The following LRP5 variants were observed in gnomAD, a reference collection of about 807,000 sequenced individuals.
LRP5 encodes low-density lipoprotein receptor-related protein 5.
A neutral mutation model predicts 154.1 loss-of-function variants in LRP5; 62 were observed. That is an observed-to-expected ratio of 0.40 (90% CI 0.33 to 0.50). The LOEUF is 0.50. LRP5 is among the 20% of genes least tolerant of loss of function. The probability of loss-of-function intolerance (pLI) is 0.55; values close to 1 mark genes in which losing one functional copy is unlikely to be tolerated. For synonymous variants in LRP5, 966 were observed against 1,011.5 expected, an observed-to-expected ratio of 0.96 and a Z score of 0.85; for missense variants, 1,915 against 2,336.7, an observed-to-expected ratio of 0.82 and a Z score of 3.72.
chr11:68,389,779 T>C, intron 6 of LRP5, 102 bp from the exon 7 acceptor site: 2 of 1,150,614 alleles, frequency 1.7e-6, no homozygotes, highest in South Asian at 2.5e-5. Context: ...CATTTAGCCA[T>C]GTGATGGGGG....
chr11:68,351,038 G>A (rs955957143), intron 2 of LRP5, among the ~76,000 whole-genome samples: 4 of 152,204 alleles, frequency 2.6e-5, no homozygotes, highest in African/African-American at 4.8e-5. Context: ...GTATGTGCCC[G>A]TGTGAGCGAG....
intron 21 of LRP5, chr11:68,445,796 G>C (rs1591337800): frequency 3.4e-6 from 2 of 593,082 alleles, no homozygotes; most frequent in Non-Finnish European, 5.4e-6. Flanking sequence ...TGGTGAATTT[G>C]TCTATTTACT....
chr11:68,324,295 C>G (rs867036433), intron 1 of LRP5, among the ~76,000 whole-genome samples: 1 of 152,256 alleles, frequency 6.6e-6, no homozygotes, highest in Admixed American at 6.5e-5. Context: ...GACAGATCCC[C>G]GGGACCTAGT....
intron 18 of LRP5, among the ~76,000 whole-genome samples, chr11:68,435,892 A>G (rs1591324797): frequency 6.6e-6 from 1 of 152,140 alleles, no homozygotes; most frequent in Middle Eastern, 3.4e-3. Flanking sequence ...CACCCGGCTA[A>G]TTTTTGTATT....
At chr11:68,379,036 A>T (rs2098638921) in intron 5 of LRP5, among the ~76,000 whole-genome samples, 1 of 151,500 alleles carries the variant, frequency 6.6e-6, no homozygotes, top group Non-Finnish European at 1.5e-5. Context: ...ACAGAGCGAG[A>T]CTCTGTCTCA....
At chr11:68,348,791 A>G (rs1308170517) in intron 2 of LRP5, among the ~76,000 whole-genome samples, 1 of 152,186 alleles carries the variant, frequency 6.6e-6, no homozygotes, top group Non-Finnish European at 1.5e-5. Flanking sequence ...AAAGTATACA[A>G]AAATGAATCG....
At chr11:68,414,063 G>A in intron 12 of LRP5, 51 bp downstream of exon 12, 4 of 1,542,066 alleles carry the variant, frequency 2.6e-6, no homozygotes, top group Non-Finnish European at 3.5e-6. Context: ...GATCAGGCTG[G>A]TTCTGGGAGC....
chr11:68,343,584 G>A (rs73496736), intron 1 of LRP5, among the ~76,000 whole-genome samples: 5,378 of 152,218 alleles, frequency 0.035, 310 homozygotes, highest in African/African-American at 0.12. Context: ...CTGCTCTGGC[G>A]GCCAGGACGA....
At chr11:68,426,668 C>T (rs1373964454) in intron 16 of LRP5, among the ~76,000 whole-genome samples, 1 of 152,150 alleles carries the variant, frequency 6.6e-6, no homozygotes, top group Non-Finnish European at 1.5e-5. Context: ...AGCTATCTGC[C>T]TGCTGTGGCC....
rs767384132 is a variant in LRP5, at chr11:68,439,851, C to G, written c.4423C>G (p.Arg1475Gly). Residue 1475 changes from arginine to glycine, a missense_variant, in exon 21 of 23, where the codon CGG (arginine) becomes GGG (glycine). Arg to Gly is a moderately radical substitution (Grantham distance 125). Transcript: ENST00000294304. ...CCGGGGCGGGGTGCCCCTCTACGAC[C>G]GGAACCACGTCACAGGGGCCTCGTC... ...GGRGGVPLYD[R>G]NHVTGASSSS... is the part of the protein sequence containing the mutation. 1.2e-6 allele frequency: 2 copies of G among 1,608,388 alleles called. No individual in the cohort carries two copies. The highest frequency in any genetic ancestry group is 1.7e-5 in the Admixed American group (1 of 59,602).
intron 1 of LRP5, among the ~76,000 whole-genome samples, chr11:68,344,144 G>A (rs1375425894): frequency 6.6e-6 from 1 of 152,176 alleles, no homozygotes; most frequent in Non-Finnish European, 1.5e-5. Flanking sequence ...CCTGTGAGCT[G>A]CATAGTTGTC....
In LRP5 at chr11:68,416,366, A is replaced by G; in HGVS notation, c.2866A>G (p.Ile956Val). Residue 956 changes from isoleucine to valine, a missense_variant, in exon 13 of 23, where the codon ATC becomes GTC. Physicochemically the swap from Ile to Val is conservative, Grantham distance 29. This residue lies in a region of LRP5 where 1,094 missense variants were observed against 1,210.1 expected (regional missense o/e 0.90). Transcript: ENST00000294304. ...CTTGCTGTTCAGCCAGAAATCTGCC[A>G]TCAGTCGGATGATCCCGGACGACCA... is the stretch of plus-strand genomic sequence containing the variant. ...TFLLFSQKSA[I>V]SRMIPDDQHS... 6.2e-7 allele frequency: 1 copy of G among 1,614,132 alleles called. No individual in the cohort carries two copies. The highest frequency in any genetic ancestry group is 8.5e-7 in the Non-Finnish European group (1 of 1,180,026).
Position 68,390,069 on chromosome 11 carries a change from C to T in LRP5, c.1584+17C>T. The T allele has an allele frequency of 6.2e-7, 1 of 1,613,962 alleles. No homozygotes were observed. Among genetic ancestry groups the T allele is most frequent in the Non-Finnish European group, 8.5e-7 (1 of 1,179,890 alleles). On this transcript the variant is annotated intron_variant, in intron 7 of 22. Transcript: ENST00000294304. ...AAGATCGAGGTGAGGCTCCTGTGGA[C>T]ATGTTTGATCCAGGAGGCCAGGCCC...
At chr11:68,442,141 G>A (rs76311938) in intron 21 of LRP5, among the ~76,000 whole-genome samples, 2,678 of 152,348 alleles carry the variant, frequency 0.018, 55 homozygotes, top group Non-Finnish European at 0.023. Context: ...TTTATGTGCA[G>A]TTGTGAGAAA....
At chr11:68,442,746 G>T (rs937951738) in intron 21 of LRP5, among the ~76,000 whole-genome samples, 1 of 152,194 alleles carries the variant, frequency 6.6e-6, no homozygotes, top group African/African-American at 2.4e-5. Flanking sequence ...CCGGGAGGAG[G>T]TGCTATTGTT....
intron 5 of LRP5, among the ~76,000 whole-genome samples, chr11:68,380,202 A>G (rs138045001): frequency 4.1e-4 from 63 of 152,374 alleles, no homozygotes; most frequent in African/African-American, 1.5e-3. Flanking sequence ...CTCACCATCT[A>G]GTTGGGACAG....
intron 3 of LRP5, among the ~76,000 whole-genome samples, chr11:68,363,251 C>T (rs2098629023): frequency 6.6e-6 from 1 of 152,186 alleles, no homozygotes; most frequent in Non-Finnish European, 1.5e-5. Context: ...CTGGGGGAGC[C>T]CGTGTGTCAC....
chr11:68,431,552 T>C (rs2098671926), intron 17 of LRP5, among the ~76,000 whole-genome samples: 1 of 152,272 alleles, frequency 6.6e-6, no homozygotes, highest in South Asian at 2.1e-4. Flanking sequence ...CCGGTTGTTT[T>C]TAGCAGTTTG....
intron 7 of LRP5, among the ~76,000 whole-genome samples, chr11:68,390,970 T>G (rs2098645981): frequency 6.6e-6 from 1 of 151,942 alleles, no homozygotes; most frequent in East Asian, 1.9e-4. Context: ...TTTTGTTTGA[T>G]TTTGTTTGAT....
Sources: gnomAD v4.1 joint callset for allele counts (sites outside exome capture counted in the v4.1 genomes callset) on GRCh38, gnomAD v4.1.1 for gene constraint, gnomAD v4.1.1 regional missense constraint, MANE v1.5 for transcripts, NCBI Gene and HGNC (gene_info 2026-07-23, HGNC 2026-07-21) for gene names.